The following ADSS2 variants were observed in gnomAD, a reference collection of about 807,000 sequenced individuals.
ADSS2 encodes the protein adenylosuccinate synthase 2.
Under a neutral mutation model 60.0 loss-of-function variants are expected in ADSS2, and 30 were observed. The observed-to-expected ratio is 0.50, with a 90% CI of 0.37 to 0.68. The LOEUF (loss-of-function observed/expected upper bound fraction) is 0.68, where lower values mean the gene tolerates loss of function less well. ADSS2 is among the 30% of genes least tolerant of loss of function. The probability of loss-of-function intolerance (pLI) is 0.00; values close to 1 mark genes in which losing one functional copy is unlikely to be tolerated. For missense variants in ADSS2, 373 were observed against 554.8 expected, an observed-to-expected ratio of 0.67 and a Z score of 3.29; for synonymous variants, 187 against 193.1, an observed-to-expected ratio of 0.97 and a Z score of 0.26.
chr1:244,449,682 T>C (rs3003211), intron 1 of ADSS2, among the ~76,000 whole-genome samples: 52,922 of 152,094 alleles, frequency 0.35, 9,323 homozygotes, highest in Middle Eastern at 0.39. Flanking sequence ...ATGATACACT[T>C]TTAAAAAGCA....
intron 7 of ADSS2, among the ~76,000 whole-genome samples, chr1:244,421,886 A>C (rs552762839): frequency 2.6e-4 from 40 of 152,118 alleles, no homozygotes; most frequent in Non-Finnish European, 4.9e-4. Context: ...AGGAGGGAGG[A>C]TCCCTTGAGC....
intron 3 of ADSS2, 90 bp downstream of exon 3, chr1:244,436,735 A>C (rs903695063): frequency 8.6e-7 from 1 of 1,162,598 alleles, no homozygotes; most frequent in South Asian, 1.5e-5. Flanking sequence ...ATTTTAAAGC[A>C]TAAGACAAAC....
chr1:244,446,996 T>C (rs1427133764), intron 1 of ADSS2, among the ~76,000 whole-genome samples: 1 of 152,214 alleles, frequency 6.6e-6, no homozygotes, highest in African/African-American at 2.4e-5. Context: ...AAAAGAATTT[T>C]GTTATATGAA....
chr1:244,410,790 T>A (rs1417557288), intron 12 of ADSS2, among the ~76,000 whole-genome samples: 1 of 152,236 alleles, frequency 6.6e-6, no homozygotes, highest in Non-Finnish European at 1.5e-5. Context: ...ATCTTCTATT[T>A]AAAGATGAGC....
chr1:244,415,472 C>G (rs1329999862), intron 11 of ADSS2, among the ~76,000 whole-genome samples: 1 of 152,222 alleles, frequency 6.6e-6, no homozygotes, highest in East Asian at 1.9e-4. Context: ...ACCAGCTCAT[C>G]AAGTTTTATT....
At chr1:244,448,336 T>A (rs1665445422) in intron 1 of ADSS2, among the ~76,000 whole-genome samples, 3 of 152,260 alleles carry the variant, frequency 2.0e-5, no homozygotes, top group Admixed American at 2.0e-4. Context: ...CTTCAGCAGA[T>A]ACTTGTATCT....
At chr1:244,441,500 T>C (rs996562592) in intron 1 of ADSS2, among the ~76,000 whole-genome samples, 4 of 152,184 alleles carry the variant, frequency 2.6e-5, no homozygotes, top group African/African-American at 4.8e-5. Flanking sequence ...AAGGTATTAT[T>C]ATCAAAGTCA....
At chr1:244,414,674 C>T (rs939819914) in intron 11 of ADSS2, among the ~76,000 whole-genome samples, 2 of 152,186 alleles carry the variant, frequency 1.3e-5, no homozygotes, top group Non-Finnish European at 2.9e-5. Context: ...GGAGCTATTC[C>T]CAGAAGGCTG....
At chr1:244,415,043 A>G (rs1572128786) in intron 11 of ADSS2, among the ~76,000 whole-genome samples, 1 of 152,378 alleles carries the variant, frequency 6.6e-6, no homozygotes, top group East Asian at 1.9e-4. Context: ...GATCTTGACC[A>G]AAAACAGCTT....
At chr1:244,424,084 T>A in intron 5 of ADSS2, 24 bp from the exon 6 acceptor site, 1 of 1,587,944 alleles carries the variant, frequency 6.3e-7, no homozygotes, top group South Asian at 1.1e-5. Context: ...CCAAACAAGC[T>A]TTAAGTCAGA....
At chr1:244,432,656 ATTTCTT>A (rs1664974077) in intron 3 of ADSS2, 61 bp from the exon 4 acceptor site, 5 of 709,818 alleles carry the variant, frequency 7.0e-6, no homozygotes, top group Middle Eastern at 4.5e-4. Context: ...TAAAATCTTA[ATTTCTT>A]TTTTTTTTTT....
At chr1:244,428,200 A>C (rs1367656361) in intron 4 of ADSS2, among the ~76,000 whole-genome samples, 1 of 152,204 alleles carries the variant, frequency 6.6e-6, no homozygotes, top group African/African-American at 2.4e-5. Context: ...GACATTATCC[A>C]AAACAGACCA....
chr1:244,411,304 T>C lies in ADSS2; in HGVS notation c.1301A>G (p.Asp434Gly), dbSNP rs1232480899. The C allele has an allele frequency of 6.2e-7, 1 of 1,609,934 alleles. No homozygotes were observed. Among genetic ancestry groups the C allele is most frequent in the South Asian group, 1.1e-5 (1 of 89,554 alleles). Residue 434 changes from aspartate to glycine, a missense_variant, in exon 12 of 13, where the codon GAT becomes GGT. By Grantham distance (94) the Asp-to-Gly change is moderately conservative. Transcript: ENST00000366535. The part of the protein sequence containing the change: ...NAQNYVRFIE[D>G]ELQIPVKWIG... ...ATGTTTACCTGGAATTTGAAGCTCA[T>C]CTTCAATAAATCGAACATAGTTTTG...
chr1:244,429,298 A>G (rs1664876540), intron 4 of ADSS2, among the ~76,000 whole-genome samples: 1 of 152,206 alleles, frequency 6.6e-6, no homozygotes, highest in Admixed American at 6.5e-5. Context: ...CACCCAGCAC[A>G]CTTTTATACA....
intron 6 of ADSS2, among the ~76,000 whole-genome samples, chr1:244,423,474 A>G (rs1572134322): frequency 6.6e-6 from 1 of 152,314 alleles, no homozygotes; most frequent in East Asian, 1.9e-4. Context: ...TTTCCCAAGG[A>G]GATCTGGCTA....
In ADSS2 at chr1:244,435,194, A is replaced by AAAAAAAAAAAAAAAAAAAC. The variant is rs1553308065; in HGVS notation, c.355+1630_355+1631insGTTTTTTTTTTTTTTTTTT. Among the ~76,000 whole-genome samples the AAAAAAAAAAAAAAAAAAAC allele has an allele frequency of 3.7e-4, 47 of 127,906 alleles. 2 individuals are homozygous for AAAAAAAAAAAAAAAAAAAC. The highest frequency in any genetic ancestry group is 1.4e-3 in the African/African-American group (43 of 31,140). 83.9% of individuals were successfully genotyped at this position (127,906 alleles called of 152,430 possible). A position where few individuals can be genotyped will look rare whatever the true frequency, so the allele number is the denominator to read the frequency against. On this transcript the variant is annotated intron_variant, in intron 3 of 12. Coordinates refer to ENST00000366535, the MANE Select transcript of ADSS2 (RefSeq NM_001126.5). ...AAAAAAAAAAAAAAAAAAAAAAAAA[A>AAAAAAAAAAAAAAAAAAAC]AAACAAACCTGAACATACTATAACA...
At chr1:244,449,177 C>T (rs1313919356) in intron 1 of ADSS2, among the ~76,000 whole-genome samples, 1 of 152,156 alleles carries the variant, frequency 6.6e-6, no homozygotes, top group Non-Finnish European at 1.5e-5. Flanking sequence ...AGGTTTGCAT[C>T]TATTGTTTCC....
At chr1:244,444,747 G>A (rs1665344394) in intron 1 of ADSS2, among the ~76,000 whole-genome samples, 1 of 151,784 alleles carries the variant, frequency 6.6e-6, no homozygotes, top group Middle Eastern at 3.4e-3. Flanking sequence ...TTTTAATTAA[G>A]GTTAAAATAA....
chr1:244,411,202 G>C, intron 12 of ADSS2, 85 bp downstream of exon 12: 2 of 1,370,810 alleles, frequency 1.5e-6, no homozygotes, highest in East Asian at 2.4e-5. Flanking sequence ...GCCTGGGACA[G>C]AGCGAGACTC....
Sources: gnomAD v4.1 joint callset for allele counts (sites outside exome capture counted in the v4.1 genomes callset) on GRCh38, gnomAD v4.1.1 for gene constraint, MANE v1.5 for transcripts, NCBI Gene and HGNC (gene_info 2026-07-23, HGNC 2026-07-21) for gene names.